RBFOX1: variants seen among roughly 807,000 people sequenced by gnomAD.
The protein encoded by RBFOX1 is RNA binding fox-1 homolog 1, also known as RNA binding protein fox-1 homolog 1.
RBFOX1 carries 8 observed loss-of-function variants against 57.7 expected under a neutral mutation model. The observed-to-expected ratio is 0.14, with a 90% CI of 0.08 to 0.25. The LOEUF is 0.25. Ranked by LOEUF, RBFOX1 falls within the 10% of genes least tolerant of loss-of-function variation. The pLI is 1.00. For synonymous variants in RBFOX1, 326 were observed against 222.4 expected (o/e 1.47, Z -4.15); for missense variants, 611 against 548.5 (o/e 1.11, Z -1.14).
intron 2 of RBFOX1, among the ~76,000 whole-genome samples, chr16:5,473,822 A>T (rs181307648): frequency 4.0e-5 from 6 of 148,454 alleles, no homozygotes; most frequent in African/African-American, 1.5e-4. Flanking sequence ...GGGTGGAAGG[A>T]TAGATGTAAG....
chr16:7,589,984 G>T lies in RBFOX1; in HGVS notation c.468+2684G>T, dbSNP rs2094356560. On this transcript the variant is annotated intron_variant, in intron 7 of 15. Coordinates refer to ENST00000550418, the MANE Select transcript of RBFOX1 (RefSeq NM_018723.4). ...ACATATAAACCCATATGTACTTAAG[G>T]GATGGACGCAGTGTCTCATACCTAA... Among the ~76,000 whole-genome samples, 3 of 147,828 alleles carry T rather than the reference G, an allele frequency of 2.0e-5. No individual in the cohort carries two copies. The South Asian group carries it at 6.6e-4, about 32-fold the overall frequency.
At chr16:5,406,156 A>G (rs56313004) in intron 1 of RBFOX1, among the ~76,000 whole-genome samples, 31,174 of 152,026 alleles carry the variant, frequency 0.21, 3,332 homozygotes, top group Middle Eastern at 0.27. Flanking sequence ...GGTCATCTTT[A>G]TGTGTCAACT....
At position 7,588,756 on chromosome 16, in the gene RBFOX1, A is replaced by G. The variant is rs146753841; in HGVS notation, c.468+1456A>G. ...GGATGTGTATAACCATCTTTCCCCC[A>G]TAAAACAAACCTTTGATTTTTTTTT... On this transcript the variant is annotated intron_variant, in intron 7 of 15. Coordinates refer to ENST00000550418, the MANE Select transcript of RBFOX1 (RefSeq NM_018723.4). 2.9e-3 allele frequency among the ~76,000 whole-genome samples: 440 copies of G among 152,226 alleles called. 2 individuals carry two copies. The highest frequency in any genetic ancestry group is 0.01 in the African/African-American group (421 of 41,538).
At chr16:5,881,114 C>T (rs1027396115) in intron 4 of RBFOX1, among the ~76,000 whole-genome samples, 9 of 152,080 alleles carry the variant, frequency 5.9e-5, no homozygotes, top group Non-Finnish European at 1.2e-4. Context: ...TTTTTCCTAT[C>T]GAAGTTCACG....
intron 3 of RBFOX1, among the ~76,000 whole-genome samples, chr16:6,752,310 A>G (rs1035065399): frequency 4.6e-5 from 7 of 152,222 alleles, no homozygotes; most frequent in Admixed American, 1.3e-4. Flanking sequence ...CAGACCTCCA[A>G]TAACTTTGAC....
rs2092667246 is a variant in RBFOX1 at position 7,570,536 on chromosome 16, T to C, written c.271-9241T>C. Among the ~76,000 whole-genome samples, 3 of 152,280 alleles carry C rather than the reference T, an allele frequency of 2.0e-5. No individual in the cohort carries two copies. The South Asian group carries it at 6.2e-4, about 32-fold the overall frequency. Reference sequence around the variant, plus strand: ...ACAGACAACCCTGAGATAGAAGTCATTTATCTACGCTTGCAGCTAGGCTCA... The same window carrying C: ...ACAGACAACCCTGAGATAGAAGTCACTTATCTACGCTTGCAGCTAGGCTCA... On this transcript the variant is annotated intron_variant, in intron 5 of 15. Coordinates refer to ENST00000550418, the MANE Select transcript of RBFOX1 (RefSeq NM_018723.4).
At chr16:6,995,441 G>T (rs977867381) in intron 3 of RBFOX1, among the ~76,000 whole-genome samples, 10 of 151,954 alleles carry the variant, frequency 6.6e-5, no homozygotes, top group African/African-American at 2.4e-4. Context: ...AAATTCCCAA[G>T]CAAATAATCT....
chr16:7,114,754 C>CT (rs2065520288), intron 4 of RBFOX1, among the ~76,000 whole-genome samples: 1 of 152,198 alleles, frequency 6.6e-6, no homozygotes, highest in Admixed American at 6.6e-5. Context: ...GGAAACTTTG[C>CT]TTTCTGTTTA....
At chr16:6,779,246 A>G (rs2079923709) in intron 3 of RBFOX1, among the ~76,000 whole-genome samples, 2 of 151,974 alleles carry the variant, frequency 1.3e-5, no homozygotes, top group South Asian at 4.1e-4. Flanking sequence ...TAGCTCCCGC[A>G]TTTGTATGAG....
At chr16:6,346,599 ACT>A (rs1331646426) in intron 2 of RBFOX1, among the ~76,000 whole-genome samples, 2 of 152,008 alleles carry the variant, frequency 1.3e-5, no homozygotes, top group African/African-American at 4.8e-5. Flanking sequence ...GCTCTCTGAA[ACT>A]CTTCTGGTTC....
intron 3 of RBFOX1, among the ~76,000 whole-genome samples, chr16:6,756,974 T>G (rs1568479622): frequency 8.9e-6 from 1 of 112,880 alleles, no homozygotes; most frequent in African/African-American, 3.1e-5. Context: ...AAACTCCATC[T>G]CAAACAAACA....
intron 1 of RBFOX1, among the ~76,000 whole-genome samples, chr16:5,322,364 C>T (rs572606855): frequency 6.6e-6 from 1 of 152,272 alleles, no homozygotes; most frequent in African/African-American, 2.4e-5. Context: ...GTTCTAGGAA[C>T]TGGCTTGTGT....
At chr16:6,251,437 C>T (rs191329187) in intron 1 of RBFOX1, among the ~76,000 whole-genome samples, 30 of 152,246 alleles carry the variant, frequency 2.0e-4, no homozygotes, top group Admixed American at 3.3e-4. Context: ...AACTAAGGTC[C>T]TTAGGTCTCC....
intron 1 of RBFOX1, among the ~76,000 whole-genome samples, chr16:5,428,318 C>G (rs1172718285): frequency 6.6e-6 from 1 of 152,100 alleles, no homozygotes; most frequent in East Asian, 1.9e-4. Context: ...CAGCACAGTT[C>G]CTATCACACA....
At chr16:6,069,024 T>A in intron 1 of RBFOX1, among the ~76,000 whole-genome samples, 1 of 149,236 alleles carries the variant, frequency 6.7e-6, no homozygotes, top group African/African-American at 2.5e-5. Context: ...AAAAAAAGAA[T>A]GAAGGAAGGG....
At chr16:6,658,936 G>GTTTTTTTGTTTTTTTTTTTTT (rs775736061) in intron 3 of RBFOX1, among the ~76,000 whole-genome samples, 1 of 108,486 alleles carries the variant, frequency 9.2e-6, no homozygotes, top group Non-Finnish European at 2.0e-5. Context: ...TGGTTTTTTT[G>GTTTTTTTGTTTTTTTTTTTTT]TTTTTTTTGT....
chr16:5,405,441 C>G (rs1262519918), intron 1 of RBFOX1, among the ~76,000 whole-genome samples: 1 of 152,188 alleles, frequency 6.6e-6, no homozygotes. Flanking sequence ...TAAGATGTGC[C>G]TTTTGCCTTC....
intron 2 of RBFOX1, among the ~76,000 whole-genome samples, chr16:6,548,129 T>C (rs908305933): frequency 6.6e-6 from 1 of 152,238 alleles, no homozygotes; most frequent in Non-Finnish European, 1.5e-5. Flanking sequence ...CTGGTTTACA[T>C]TTAATCCAGT....
intron 5 of RBFOX1, among the ~76,000 whole-genome samples, chr16:7,536,884 C>G (rs1199056029): frequency 1.3e-5 from 2 of 152,254 alleles, no homozygotes; most frequent in East Asian, 1.9e-4. Context: ...TGATCAGTTA[C>G]CAGCACTCCA....
Sources: gnomAD v4.1 joint callset for allele counts (sites outside exome capture counted in the v4.1 genomes callset) on GRCh38, gnomAD v4.1.1 for gene constraint, MANE v1.5 for transcripts, NCBI Gene and HGNC (gene_info 2026-07-23, HGNC 2026-07-21) for gene names.